Variants in NLGN1 observed in about 807,000 individuals in gnomAD.
NLGN1 encodes neuroligin-1.
NLGN1 carries 12 observed loss-of-function variants against 65.5 expected under a neutral mutation model. The observed-to-expected ratio is 0.18, with a 90% CI of 0.12 to 0.30. NLGN1 has a LOEUF of 0.30. Ranked by LOEUF, NLGN1 falls within the 10% of genes least tolerant of loss-of-function variation. The pLI is 1.00. For synonymous variants in NLGN1, 350 were observed against 359.5 expected, an observed-to-expected ratio of 0.97 and a Z score of 0.30; for missense variants, 750 against 1,007.1, an observed-to-expected ratio of 0.74 and a Z score of 3.46.
chr3:173,695,297 T>C (rs988186570), intron 3 of NLGN1, among the ~76,000 whole-genome samples: 2 of 152,202 alleles, frequency 1.3e-5, no homozygotes, highest in African/African-American at 4.8e-5. Context: ...AGTCCCCATG[T>C]TTCAAAGTAG....
intron 2 of NLGN1, among the ~76,000 whole-genome samples, chr3:173,522,234 C>T (rs143293676): frequency 9.8e-4 from 149 of 152,330 alleles, no homozygotes; most frequent in African/African-American, 3.3e-3. Context: ...AGTTATTTCA[C>T]GTAGGATAAT....
At chr3:174,118,797 T>G (rs1293927778) in intron 4 of NLGN1, among the ~76,000 whole-genome samples, 5 of 152,158 alleles carry the variant, frequency 3.3e-5, no homozygotes, top group African/African-American at 1.2e-4. Flanking sequence ...GAATGCAAAT[T>G]AGGAAATTGG....
chr3:173,781,521 AT>A (rs996661876), intron 3 of NLGN1, among the ~76,000 whole-genome samples: 2 of 152,182 alleles, frequency 1.3e-5, no homozygotes, highest in Non-Finnish European at 2.9e-5. Flanking sequence ...TATCGTACCC[AT>A]TTTTGACTTA....
intron 2 of NLGN1, among the ~76,000 whole-genome samples, chr3:173,581,980 C>T (rs181243961): frequency 6.6e-6 from 1 of 152,016 alleles, no homozygotes; most frequent in Non-Finnish European, 1.5e-5. Flanking sequence ...GTAACCTCTA[C>T]CCTGAATATC....
intron 4 of NLGN1, among the ~76,000 whole-genome samples, chr3:174,000,428 G>T (rs1010263421): frequency 6.6e-6 from 1 of 151,926 alleles, no homozygotes; most frequent in African/African-American, 2.4e-5. Flanking sequence ...AATAGTTTTC[G>T]CAAGCAGACA....
At chr3:173,866,188 C>G (rs1384995513) in intron 4 of NLGN1, among the ~76,000 whole-genome samples, 1 of 152,176 alleles carries the variant, frequency 6.6e-6, no homozygotes, top group African/African-American at 2.4e-5. Context: ...TAAGGTAGCT[C>G]AGTACCTTGA....
chr3:173,499,682 C>A (rs957850594), intron 2 of NLGN1, among the ~76,000 whole-genome samples: 5 of 151,902 alleles, frequency 3.3e-5, no homozygotes, highest in African/African-American at 1.2e-4. Flanking sequence ...TCTTCCTACC[C>A]ATGAGCATGG....
At chr3:174,079,263 T>G (rs1046946387) in intron 4 of NLGN1, among the ~76,000 whole-genome samples, 5 of 152,012 alleles carry the variant, frequency 3.3e-5, no homozygotes, top group African/African-American at 7.3e-5. Context: ...GAGATATACA[T>G]GCGGCCAACA....
intron 4 of NLGN1, among the ~76,000 whole-genome samples, chr3:173,858,499 A>G (rs1728442035): frequency 6.6e-6 from 1 of 152,048 alleles, no homozygotes; most frequent in East Asian, 1.9e-4. Context: ...TTTGAATTAT[A>G]TTAGGGTGCC....
chr3:174,175,729 C>A (rs1315613012), intron 4 of NLGN1, among the ~76,000 whole-genome samples: 1 of 151,688 alleles, frequency 6.6e-6, no homozygotes, highest in African/African-American at 2.4e-5. Flanking sequence ...ATTTTTTTCA[C>A]CATTTTCAGA....
intron 4 of NLGN1, among the ~76,000 whole-genome samples, chr3:174,092,989 G>C (rs866225148): frequency 3.3e-5 from 5 of 152,140 alleles, no homozygotes; most frequent in Non-Finnish European, 4.4e-5. Flanking sequence ...ATAGCTCATT[G>C]TCATTCCCTT....
chr3:174,009,326 G>A lies in NLGN1; in HGVS notation c.646+201494G>A, dbSNP rs555798203. Among the ~76,000 whole-genome samples, 7 of 152,278 alleles carry A rather than the reference G, an allele frequency of 4.6e-5. No individual in the cohort carries two copies. In the East Asian group the frequency reaches 1.3e-3, roughly 29 times the overall value. ...ATATTAATTTGGTGGAAGGAAATGA[G>A]GGGTTGGGGTTGGGGAATAGGCATT... On this transcript the variant is annotated intron_variant, in intron 4 of 6. Transcript: ENST00000457714.
At chr3:173,732,521 G>A (rs754012233) in intron 3 of NLGN1, among the ~76,000 whole-genome samples, 3 of 152,092 alleles carry the variant, frequency 2.0e-5, no homozygotes, top group Non-Finnish European at 4.4e-5. Flanking sequence ...CTTTGCGGCT[G>A]GGTTCGGGGT....
chr3:173,915,034 A>T (rs1366822086), intron 4 of NLGN1: 5 of 152,140 alleles, frequency 3.3e-5, no homozygotes, highest in Non-Finnish European at 7.3e-5. Context: ...TTTCTTTTTA[A>T]TCATTTACAC....
intron 2 of NLGN1, among the ~76,000 whole-genome samples, chr3:173,568,097 A>T (rs894390690): frequency 6.6e-6 from 1 of 152,108 alleles, no homozygotes; most frequent in East Asian, 1.9e-4. Context: ...ATCTTTAGTG[A>T]CAACACTTAA....
chr3:173,805,268 T>A (rs1716398487), intron 3 of NLGN1, among the ~76,000 whole-genome samples: 1 of 152,140 alleles, frequency 6.6e-6, no homozygotes, highest in Non-Finnish European at 1.5e-5. Context: ...TTACTTAAAA[T>A]GAAAAATATT....
intron 4 of NLGN1, among the ~76,000 whole-genome samples, chr3:174,108,836 G>T (rs554681160): frequency 9.2e-5 from 14 of 152,114 alleles, no homozygotes; most frequent in Admixed American, 2.6e-4. Flanking sequence ...GTCATTTCTT[G>T]GGTCTGAGGT....
intron 3 of NLGN1, among the ~76,000 whole-genome samples, chr3:173,690,144 T>A (rs1233611833): frequency 1.3e-5 from 2 of 152,178 alleles, no homozygotes; most frequent in Non-Finnish European, 2.9e-5. Flanking sequence ...GCCCATTTTA[T>A]AGGCGACACT....
At chr3:174,135,195 T>C (rs969881030) in intron 4 of NLGN1, among the ~76,000 whole-genome samples, 5 of 152,200 alleles carry the variant, frequency 3.3e-5, no homozygotes, top group African/African-American at 9.7e-5. Context: ...GGAGGTTGTA[T>C]TTCTCAGAAT....
Sources: allele counts gnomAD v4.1 joint callset (sites outside exome capture counted in the v4.1 genomes callset), GRCh38; gene constraint gnomAD v4.1.1; transcripts MANE v1.5; gene names NCBI Gene and HGNC (gene_info 2026-07-23, HGNC 2026-07-21).